Variants in RAB37 observed in about 807,000 individuals in gnomAD.
RAB37 encodes the protein ras-related protein Rab-37.
A neutral mutation model predicts 33.1 loss-of-function variants in RAB37; 29 were observed. The observed-to-expected ratio is 0.88, with a 90% CI of 0.65 to 1.20. The LOEUF (loss-of-function observed/expected upper bound fraction) is 1.20. Ranked by LOEUF, RAB37 falls within the 50% of genes most tolerant of loss-of-function variation. The pLI is 0.00. For synonymous variants in RAB37, 128 were observed against 119.5 expected (o/e 1.07, Z -0.47); for missense variants, 299 against 301.1 (o/e 0.99, Z 0.05).
chr17:74,706,775 C>T (rs1037170), intron 1 of RAB37, among the ~76,000 whole-genome samples: 81,777 of 152,104 alleles, frequency 0.54, 26,616 homozygotes, highest in Middle Eastern at 0.78. Flanking sequence ...GTGAGGACCA[C>T]GGCAGCCTGG....
intron 1 of RAB37, among the ~76,000 whole-genome samples, chr17:74,672,350 A>C (rs946487812): frequency 6.6e-6 from 1 of 152,200 alleles, no homozygotes; most frequent in Non-Finnish European, 1.5e-5. Context: ...TATATTTGCC[A>C]TAAGAAGTTA....
At position 74,742,806 on chromosome 17, in the gene RAB37, T is replaced by C. The variant is rs2034652271; in HGVS notation, c.247-323T>C. On this transcript the variant is annotated intron_variant, in intron 3 of 8. Coordinates refer to ENST00000392613, the MANE Select transcript of RAB37 (RefSeq NM_001006638.3). This position sits in a 1 kb window ranked among gnomAD's most constrained non-coding sequence, Gnocchi z 4.0. Reference sequence around the variant, plus strand: ...ACACCTGGCTAATTTTTTGTATTTTTAGTAGAGACGGGGTTTCACTGTGTT... The same window carrying C: ...ACACCTGGCTAATTTTTTGTATTTTCAGTAGAGACGGGGTTTCACTGTGTT... Among the ~76,000 whole-genome samples the C allele has an allele frequency of 2.0e-5, 3 of 152,140 alleles. No homozygotes were observed. Among genetic ancestry groups the C allele is most frequent in the Non-Finnish European group, 1.5e-5 (1 of 67,992 alleles).
intron 1 of RAB37, among the ~76,000 whole-genome samples, chr17:74,675,918 T>G (rs2031821299): frequency 6.6e-6 from 1 of 152,158 alleles, no homozygotes; most frequent in South Asian, 2.1e-4. Flanking sequence ...GCCTGGAGTT[T>G]TTAAATAGAG....
At chr17:74,704,771 C>A in intron 1 of RAB37, 1 of 1,614,118 alleles carries the variant, frequency 6.2e-7, no homozygotes, top group Non-Finnish European at 8.5e-7. Flanking sequence ...CCGCTCCAAG[C>A]CATTCACTGT....
chr17:74,712,780 T>A (rs1346342655), intron 1 of RAB37: 1 of 1,611,748 alleles, frequency 6.2e-7, no homozygotes, highest in Non-Finnish European at 8.5e-7. Flanking sequence ...CACCTCCTCC[T>A]GCTTGCTAAG....
In RAB37 at chr17:74,729,458, G is replaced by A. The variant is rs1034875231; in HGVS notation, c.183+92G>A. The A allele has an allele frequency of 1.3e-5, 11 of 862,830 alleles. No homozygotes were observed. Among genetic ancestry groups the A allele is most frequent in the East Asian group, 2.4e-5 (1 of 41,422 alleles). 53.4% of individuals were successfully genotyped at this position (862,830 alleles called of 1,614,324 possible). On this transcript the variant is annotated intron_variant, in intron 2 of 7. Coordinates refer to the RAB37 transcript ENST00000340415. This position sits in a 1 kb window ranked among gnomAD's most constrained non-coding sequence, Gnocchi z 4.2. ...GCCAGCAGGAAACAGGTGGACACTC[G>A]CATTGGATCATTCAAGGAGGATTAA...
chr17:74,739,711 A>T (rs1010363773), intron 1 of RAB37, among the ~76,000 whole-genome samples: 1 of 151,474 alleles, frequency 6.6e-6, no homozygotes, highest in Non-Finnish European at 1.5e-5. Flanking sequence ...TTGTATTTTT[A>T]GTAGAGATGG....
At position 74,676,268 on chromosome 17, in the gene RAB37, A is replaced by G. The variant is rs2031830110; in HGVS notation, c.72+4610A>G. 6.6e-6 allele frequency among the ~76,000 whole-genome samples: 1 copy of G among 152,206 alleles called. No homozygotes were observed. The highest frequency in any genetic ancestry group is 2.1e-4 in the South Asian group (1 of 4,832). On this transcript the variant is annotated intron_variant, in intron 1 of 7. Transcript: ENST00000340415. This position sits in a 1 kb window ranked among gnomAD's most constrained non-coding sequence, Gnocchi z 4.1. ...CCCTATCACCAGGGCTCTAAGGAAC[A>G]TCCACATACCAGACTAGCTTCCAGA...
intron 1 of RAB37, among the ~76,000 whole-genome samples, chr17:74,728,939 C>T (rs1258516249): frequency 2.0e-5 from 3 of 150,156 alleles, no homozygotes; most frequent in Non-Finnish European, 4.4e-5. Flanking sequence ...GTTTCTGTGT[C>T]GTGTGTGTTC....
intron 1 of RAB37, chr17:74,698,220 G>A (rs777383542): frequency 3.2e-5 from 21 of 647,038 alleles, no homozygotes; most frequent in Middle Eastern, 4.2e-4. Context: ...GGCGCCCCCC[G>A]GTCCCCTGGC....
At chr17:74,741,002 A>T in intron 2 of RAB37, 124 bp downstream of exon 2, 1 of 728,386 alleles carries the variant, frequency 1.4e-6, no homozygotes, top group East Asian at 2.5e-5. Context: ...CCTGGAGGGC[A>T]CACAACCCGC....
At chr17:74,674,390 G>T (rs1457094780) in intron 1 of RAB37, among the ~76,000 whole-genome samples, 2 of 150,100 alleles carry the variant, frequency 1.3e-5, no homozygotes, top group Admixed American at 1.3e-4. Flanking sequence ...GTGGGGAAAT[G>T]ATTTTTTAAA....
In RAB37 at chr17:74,671,341, G is replaced by C; in HGVS notation, c.-246G>C. 3.8e-6 allele frequency: 2 copies of C among 531,338 alleles called. No individual in the cohort carries two copies. Among genetic ancestry groups the C allele is most frequent in the Non-Finnish European group, 6.8e-6 (2 of 295,740 alleles). The allele number at this position is 531,338 out of a possible 1,614,324, so 32.9% of individuals were successfully genotyped here. A position where few individuals can be genotyped will look rare whatever the true frequency, so the allele number is the denominator to read the frequency against. On this transcript the variant is annotated 5_prime_UTR_variant, in exon 1 of 8. Coordinates refer to the RAB37 transcript ENST00000340415. The surrounding 1 kb of genome is among the most constrained non-coding windows in gnomAD (Gnocchi z 5.0). ...GACAGGATCTCAGAACTCTGGTCCCGGGCGCACAACGGCGGAGTCGCTGTT... is the reference window on the plus strand; with the variant it reads ...GACAGGATCTCAGAACTCTGGTCCCCGGCGCACAACGGCGGAGTCGCTGTT...
chr17:74,712,432 C>T (rs887043911), intron 1 of RAB37, among the ~76,000 whole-genome samples: 1 of 152,236 alleles, frequency 6.6e-6, no homozygotes, highest in African/African-American at 2.4e-5. Flanking sequence ...AGTCCTCCAG[C>T]CTCACCTCTT....
intron 1 of RAB37, chr17:74,712,918 C>A: frequency 3.2e-6 from 5 of 1,582,876 alleles, no homozygotes; most frequent in Non-Finnish European, 4.3e-6. Flanking sequence ...GCAGCAGGAA[C>A]AAACTACAGA....
intron 1 of RAB37, among the ~76,000 whole-genome samples, chr17:74,717,330 G>A (rs1432379694): frequency 1.3e-5 from 2 of 152,166 alleles, no homozygotes; most frequent in African/African-American, 2.4e-5. Flanking sequence ...TTCAGGCACA[G>A]GCAAAGCTTA....
chr17:74,671,559 A>G lies in RAB37; in HGVS notation c.-28A>G, dbSNP rs760715133. The G allele has an allele frequency of 6.2e-7, 1 of 1,612,394 alleles. No individual in the cohort carries two copies. The highest frequency in any genetic ancestry group is 8.5e-7 in the Non-Finnish European group (1 of 1,178,608). ...AAGCGCTGACGCAGAGCGCAGGGAG[A>G]GCCGGAGCGGCGAGCTCCAAGCCTG... On this transcript the variant is annotated 5_prime_UTR_variant, in exon 1 of 8. Coordinates refer to the RAB37 transcript ENST00000340415. This position sits in a 1 kb window ranked among gnomAD's most constrained non-coding sequence, Gnocchi z 5.0.
Position 74,743,141 on chromosome 17 carries a change from G to A in RAB37, c.259G>A (p.Ala87Thr), listed in dbSNP as rs772882123. 9.3e-6 allele frequency: 15 copies of A among 1,613,040 alleles called. No individual in the cohort carries two copies. Among genetic ancestry groups the A allele is most frequent in the East Asian group, 8.9e-5 (4 of 44,862 alleles). Residue 87 changes from alanine (A) to threonine (T), a missense_variant, in exon 4 of 9, where the codon GCT becomes ACT. Ala to Thr is a moderately conservative substitution (Grantham distance 58). Transcript: ENST00000392613. ...CATCCCTTCCCAGATCTGGGACACCGCTGGGCAGGAACGGTTCCGAAGCGT... is the reference window on the plus strand; with the variant it reads ...CATCCCTTCCCAGATCTGGGACACCACTGGGCAGGAACGGTTCCGAAGCGT... ...VRVKLQIWDT[A>T]GQERFRSVTH...
rs530119456 is a variant in RAB37 at position 74,687,214 on chromosome 17, T to TTTTA, written c.72+15580_72+15583dup. Among the ~76,000 whole-genome samples the TTTTA allele has an allele frequency of 1.4e-3, 211 of 151,506 alleles. 1 individual carries two copies. In the East Asian group the frequency reaches 0.015, roughly 11 times the overall value. On this transcript the variant is annotated intron_variant, in intron 1 of 7. Coordinates refer to the RAB37 transcript ENST00000340415. ...AGTTTATTTTATTTATTTATTTTATTTTTATTTATTTATTTATTTATTTAT... is the reference window on the plus strand; with the variant it reads ...AGTTTATTTTATTTATTTATTTTATTTTTATTTATTTATTTATTTATTTATTTAT...
Sources: gnomAD v4.1 joint callset for allele counts (sites outside exome capture counted in the v4.1 genomes callset) on GRCh38, gnomAD v4.1.1 for gene constraint, Gnocchi (gnomAD v3.1) non-coding constraint, MANE v1.5 for transcripts, NCBI Gene and HGNC (gene_info 2026-07-23, HGNC 2026-07-21) for gene names.